Variants in SEMA6D observed in about 807,000 individuals in gnomAD.
SEMA6D encodes the protein semaphorin-6D.
SEMA6D carries 35 observed loss-of-function variants against 106.6 expected under a neutral mutation model. The observed-to-expected ratio is 0.33, with a 90% CI of 0.25 to 0.44. The LOEUF is 0.44. Among genes scored for constraint, SEMA6D ranks in the 20% least tolerant of loss-of-function variants. The pLI, the probability that SEMA6D is intolerant of heterozygous loss-of-function variation, is 1.00. For synonymous variants in SEMA6D, 499 were observed against 487.7 expected (o/e 1.02, Z -0.31); for missense variants, 1,185 against 1,345.9 (o/e 0.88, Z 1.87).
chr15:47,191,232 G>A (rs1425336191), intron 1 of SEMA6D, among the ~76,000 whole-genome samples: 1 of 151,748 alleles, frequency 6.6e-6, no homozygotes, highest in Non-Finnish European at 1.5e-5. Flanking sequence ...TGTGTTTGTG[G>A]TGTGTTTTAT....
chr15:47,453,011 T>A (rs1378606279), intron 2 of SEMA6D, among the ~76,000 whole-genome samples: 1 of 151,958 alleles, frequency 6.6e-6, no homozygotes. Context: ...TCATTTGTAG[T>A]TCATTTAAAA....
chr15:47,300,313 C>CT (rs2035970983), intron 1 of SEMA6D, among the ~76,000 whole-genome samples: 1 of 151,922 alleles, frequency 6.6e-6, no homozygotes, highest in Admixed American at 6.6e-5. Flanking sequence ...CACTTGAAAA[C>CT]TTATGAAAAA....
chr15:47,730,631 G>A (rs1350664518), intron 1 of SEMA6D: 32 of 1,584,262 alleles, frequency 2.0e-5, no homozygotes, highest in African/African-American at 2.7e-5. Flanking sequence ...CTTTGTCTCT[G>A]GTCTGTACTT....
chr15:47,214,330 C>T (rs62017398), intron 1 of SEMA6D, among the ~76,000 whole-genome samples: 1,864 of 151,956 alleles, frequency 0.012, 43 homozygotes, highest in Admixed American at 0.012. Flanking sequence ...GGGGTATTAG[C>T]GGGGATTAGG....
chr15:47,648,687 A>C lies in SEMA6D; in HGVS notation c.-55+47791A>C, dbSNP rs543152533. Among the ~76,000 whole-genome samples the C allele has an allele frequency of 1.2e-4, 18 of 152,290 alleles. No individual in the cohort carries two copies. The South Asian group carries it at 3.7e-3, about 32-fold the overall frequency. On this transcript the variant is annotated intron_variant, in intron 4 of 19. Coordinates refer to the SEMA6D transcript ENST00000558014. ...GCCGGCACTCACTGATTTACCAAAA[A>C]TTGAGTAAATAATTTTTAACCCGAT...
At chr15:47,422,782 G>T (rs1307592395) in intron 2 of SEMA6D, among the ~76,000 whole-genome samples, 1 of 151,924 alleles carries the variant, frequency 6.6e-6, no homozygotes, top group Admixed American at 6.6e-5. Context: ...AGCATTTTTG[G>T]CATATGTTTC....
rs2082568360 is a variant in SEMA6D at position 47,770,426 on chromosome 15, G to A, written c.1934-71G>A. 4 of 1,356,500 alleles carry A rather than the reference G, an allele frequency of 2.9e-6. No individual in the cohort carries two copies. In the South Asian group the frequency reaches 5.8e-5, roughly 20 times the overall value. 84.0% of individuals were successfully genotyped at this position (1,356,500 alleles called of 1,614,324 possible). ...CATATGAAGGTCGTGTTGGCTCACT[G>A]AAAGCCATTTGCTATTTATTATTAT... On this transcript the variant is annotated intron_variant, in intron 18 of 18. Transcript: ENST00000536845.
intron 4 of SEMA6D, among the ~76,000 whole-genome samples, chr15:47,682,135 A>G (rs2078367401): frequency 6.6e-6 from 1 of 151,940 alleles, no homozygotes; most frequent in Non-Finnish European, 1.5e-5. Context: ...CTATGTGAGG[A>G]GACAATGGTG....
At chr15:47,745,013 A>T (rs2081046258) in intron 1 of SEMA6D, among the ~76,000 whole-genome samples, 1 of 152,196 alleles carries the variant, frequency 6.6e-6, no homozygotes, top group Admixed American at 6.5e-5. Context: ...CTGAGTTAAG[A>T]GTAGAATCCA....
At chr15:47,316,312 G>A (rs979563991) in intron 1 of SEMA6D, among the ~76,000 whole-genome samples, 10 of 151,596 alleles carry the variant, frequency 6.6e-5, no homozygotes, top group African/African-American at 1.9e-4. Context: ...GGCTGGTCTC[G>A]AACTCCTGAC....
chr15:47,356,292 A>C (rs931026256), intron 1 of SEMA6D, among the ~76,000 whole-genome samples: 3 of 152,212 alleles, frequency 2.0e-5, no homozygotes, highest in Non-Finnish European at 4.4e-5. Flanking sequence ...CCCAGTTCTG[A>C]ATGAGTAAGA....
In SEMA6D at chr15:47,204,288, G is replaced by A. The variant is rs184541252; in HGVS notation, c.-239+19870G>A. 1.0e-3 allele frequency among the ~76,000 whole-genome samples: 158 copies of A among 152,238 alleles called. 1 individual carries two copies. The highest frequency in any genetic ancestry group is 3.7e-3 in the African/African-American group (155 of 41,560). ...CAGAGACTTGGTACTTTTCCACTGT[G>A]AGGTACATAAATGTCTTCTGTCTCA... is the stretch of plus-strand genomic sequence containing the variant. On this transcript the variant is annotated intron_variant, in intron 1 of 19. Coordinates refer to the SEMA6D transcript ENST00000558014.
intron 4 of SEMA6D, among the ~76,000 whole-genome samples, chr15:47,703,253 A>G (rs1011733504): frequency 6.6e-6 from 1 of 152,176 alleles, no homozygotes; most frequent in Non-Finnish European, 1.5e-5. Flanking sequence ...TCACTGCAAT[A>G]TATGGCATGG....
At position 47,770,923 on chromosome 15, in the gene SEMA6D, C is replaced by G; in HGVS notation, c.2360C>G (p.Ala787Gly). 6.2e-7 allele frequency: 1 copy of G among 1,614,084 alleles called. No individual in the cohort carries two copies. Among genetic ancestry groups the G allele is most frequent in the Non-Finnish European group, 8.5e-7 (1 of 1,179,994 alleles). ...GTGCTTCACCAGAAGACCCTGCAGGCCATGAAGAGCCACTCAGAAAAGGCC... is the reference window on the plus strand; with the variant it reads ...GTGCTTCACCAGAAGACCCTGCAGGGCATGAAGAGCCACTCAGAAAAGGCC... The part of the protein sequence containing the change: ...TPVLHQKTLQ[A>G]MKSHSEKAHG... Residue 787 changes from alanine (A) to glycine (G), a missense_variant, in exon 19 of 19, where the codon GCC becomes GGC. Ala to Gly is a moderately conservative substitution (Grantham distance 60). Coordinates refer to ENST00000536845, the MANE Select transcript of SEMA6D (RefSeq NM_001358351.3).
At chr15:47,358,289 C>T (rs7359237) in intron 1 of SEMA6D, among the ~76,000 whole-genome samples, 2,603 of 152,282 alleles carry the variant, frequency 0.017, 68 homozygotes, top group African/African-American at 0.059. Flanking sequence ...ATGGAAGACC[C>T]GCTATGGATG....
chr15:47,760,904 T>G, intron 3 of SEMA6D, 74 bp from the exon 4 acceptor site: 1 of 1,345,298 alleles, frequency 7.4e-7, no homozygotes, highest in Non-Finnish European at 1.0e-6. Flanking sequence ...GGCAGATCTG[T>G]AAAAATAAAA....
At chr15:47,558,235 G>A (rs2045971873) in intron 3 of SEMA6D, among the ~76,000 whole-genome samples, 1 of 152,038 alleles carries the variant, frequency 6.6e-6, no homozygotes, top group African/African-American at 2.4e-5. Flanking sequence ...AGTGAAATTG[G>A]TAGAACCAAG....
In SEMA6D at chr15:47,475,773, A is replaced by T. The variant is rs1225409392; in HGVS notation, c.-87+5228A>T. Among the ~76,000 whole-genome samples, 7 of 152,200 alleles carry T rather than the reference A, an allele frequency of 4.6e-5. No individual in the cohort carries two copies. In the East Asian group the frequency reaches 1.3e-3, roughly 29 times the overall value. ...ATTAAATCAGTTTTATCTGTAAATT[A>T]AAAAAATAATTACTTTTTCCAAAGT... On this transcript the variant is annotated intron_variant, in intron 3 of 19. Coordinates refer to the SEMA6D transcript ENST00000558014.
At chr15:47,621,036 A>G (rs1358310822) in intron 4 of SEMA6D, among the ~76,000 whole-genome samples, 2 of 152,174 alleles carry the variant, frequency 1.3e-5, no homozygotes, top group Non-Finnish European at 2.9e-5. Flanking sequence ...CACAACGGGC[A>G]TATAGACTCA....
Sources: gnomAD v4.1 joint callset for allele counts (sites outside exome capture counted in the v4.1 genomes callset) on GRCh38, gnomAD v4.1.1 for gene constraint, MANE v1.5 for transcripts, NCBI Gene and HGNC (gene_info 2026-07-23, HGNC 2026-07-21) for gene names.